The following RIT2 variants were observed in gnomAD, a reference collection of about 807,000 sequenced individuals.
The protein encoded by RIT2 is GTP-binding protein Rit2.
Under a neutral mutation model 23.7 loss-of-function variants are expected in RIT2, and 24 were observed. That is an observed-to-expected ratio of 1.01 (90% CI 0.73 to 1.43). The LOEUF is 1.43. Among genes scored for constraint, RIT2 ranks in the 40% most tolerant of loss-of-function variants. The probability of loss-of-function intolerance (pLI) is 0.00; values close to 1 mark genes in which losing one functional copy is unlikely to be tolerated. For missense variants in RIT2, 236 were observed against 266.9 expected (o/e 0.88, Z 0.81); for synonymous variants, 107 against 91.1 (o/e 1.17, Z -0.99).
intron 4 of RIT2, among the ~76,000 whole-genome samples, chr18:42,798,487 C>T (rs1905436032): frequency 6.6e-6 from 1 of 152,184 alleles, no homozygotes; most frequent in Non-Finnish European, 1.5e-5. Context: ...ATAATATTGG[C>T]TTTTCCCTCC....
intron 2 of RIT2, among the ~76,000 whole-genome samples, chr18:43,005,376 G>A (rs1911203741): frequency 1.3e-5 from 2 of 151,744 alleles, no homozygotes; most frequent in Admixed American, 1.3e-4. Flanking sequence ...TTTAAAATCT[G>A]TAATATACAC....
intron 2 of RIT2, among the ~76,000 whole-genome samples, chr18:42,982,058 A>G (rs1910610242): frequency 6.6e-6 from 1 of 152,150 alleles, no homozygotes; most frequent in South Asian, 2.1e-4. Flanking sequence ...GATCTCAAGA[A>G]ATTTTATATT....
At chr18:42,917,546 G>C (rs1908943775) in intron 4 of RIT2, among the ~76,000 whole-genome samples, 1 of 152,094 alleles carries the variant, frequency 6.6e-6, no homozygotes, top group Non-Finnish European at 1.5e-5. Context: ...TCTGATGACT[G>C]AAAGAGCCTC....
At chr18:43,011,928 T>A (rs904502640) in intron 2 of RIT2, among the ~76,000 whole-genome samples, 4 of 151,872 alleles carry the variant, frequency 2.6e-5, no homozygotes, top group Non-Finnish European at 4.4e-5. Context: ...TATTTGAGTA[T>A]CAAATTAAAA....
chr18:42,754,229 G>C (rs748997996), intron 4 of RIT2, among the ~76,000 whole-genome samples: 6 of 152,142 alleles, frequency 3.9e-5, no homozygotes, highest in Non-Finnish European at 8.8e-5. Context: ...AAGGGCAAGA[G>C]TCCTCCTTCC....
At chr18:42,877,573 C>A (rs2144073238) in intron 4 of RIT2, among the ~76,000 whole-genome samples, 1 of 147,252 alleles carries the variant, frequency 6.8e-6, no homozygotes, top group Non-Finnish European at 1.5e-5. Flanking sequence ...TATCTATATA[C>A]AAATAAAGAT....
chr18:42,836,238 T>C (rs1238355847), intron 4 of RIT2, among the ~76,000 whole-genome samples: 1 of 152,202 alleles, frequency 6.6e-6, no homozygotes, highest in African/African-American at 2.4e-5. Context: ...CCTTCCTTTC[T>C]TGTCTTGGAG....
chr18:42,828,004 A>G (rs1308870315), intron 4 of RIT2, among the ~76,000 whole-genome samples: 2 of 80,700 alleles, frequency 2.5e-5, no homozygotes, highest in African/African-American at 5.4e-5. Context: ...ACTCCGTCTC[A>G]AAAAAAAAAA....
intron 2 of RIT2, among the ~76,000 whole-genome samples, chr18:43,009,910 G>A (rs544048729): frequency 1.3e-5 from 2 of 151,746 alleles, no homozygotes; most frequent in African/African-American, 4.8e-5. Flanking sequence ...AGAGTGTCCA[G>A]TTTTATCCAC....
intron 1 of RIT2, among the ~76,000 whole-genome samples, chr18:43,102,903 C>T (rs1178416815): frequency 6.6e-6 from 1 of 152,116 alleles, no homozygotes; most frequent in African/African-American, 2.4e-5. Context: ...ATCTGCCCAC[C>T]TCGGCCTCCC....
intron 4 of RIT2, among the ~76,000 whole-genome samples, chr18:42,889,265 T>C (rs1018808949): frequency 2.0e-5 from 3 of 152,106 alleles, no homozygotes; most frequent in Non-Finnish European, 4.4e-5. Flanking sequence ...GAGATTCTAC[T>C]GATCCAAAAT....
At chr18:42,762,972 G>A (rs572905095) in intron 4 of RIT2, among the ~76,000 whole-genome samples, 2 of 152,252 alleles carry the variant, frequency 1.3e-5, no homozygotes, top group East Asian at 1.9e-4. Flanking sequence ...TTTCATCATT[G>A]TGCAAACATC....
intron 4 of RIT2, among the ~76,000 whole-genome samples, chr18:42,833,377 A>C (rs555125828): frequency 1.1e-4 from 17 of 152,150 alleles, no homozygotes; most frequent in Non-Finnish European, 1.3e-4. Context: ...TTCTTAATCC[A>C]TTCCTTTGTT....
At chr18:42,990,384 A>G (rs984143228) in intron 2 of RIT2, among the ~76,000 whole-genome samples, 6 of 152,180 alleles carry the variant, frequency 3.9e-5, no homozygotes, top group Non-Finnish European at 8.8e-5. Flanking sequence ...TCTCACAGAC[A>G]CATCCAGGAT....
chr18:42,852,611 T>C (rs1907083103), intron 4 of RIT2, among the ~76,000 whole-genome samples: 1 of 152,194 alleles, frequency 6.6e-6, no homozygotes, highest in Non-Finnish European at 1.5e-5. Flanking sequence ...TTTCCAGATG[T>C]TCTCCTTTGA....
chr18:43,019,285 C>G (rs1308856658), intron 2 of RIT2, among the ~76,000 whole-genome samples: 1 of 151,624 alleles, frequency 6.6e-6, no homozygotes, highest in African/African-American at 2.4e-5. Flanking sequence ...CAAAAATTCT[C>G]AAAAAAATAC....
intron 4 of RIT2, among the ~76,000 whole-genome samples, chr18:42,776,120 G>T (rs1913666529): frequency 6.6e-6 from 1 of 152,066 alleles, no homozygotes; most frequent in African/African-American, 2.4e-5. Context: ...AAACACAAAG[G>T]GAAGATACAG....
At chr18:42,984,445 T>A (rs1910664140) in intron 2 of RIT2, among the ~76,000 whole-genome samples, 1 of 152,076 alleles carries the variant, frequency 6.6e-6, no homozygotes, top group Non-Finnish European at 1.5e-5. Flanking sequence ...ACATAAGGGA[T>A]CCTTGTGGTC....
intron 4 of RIT2, among the ~76,000 whole-genome samples, chr18:42,831,057 A>G (rs1408965829): frequency 6.6e-6 from 1 of 152,214 alleles, no homozygotes; most frequent in Non-Finnish European, 1.5e-5. Flanking sequence ...CCTCCTGACC[A>G]TGATGTATAA....
Sources: allele counts gnomAD v4.1 joint callset (sites outside exome capture counted in the v4.1 genomes callset), GRCh38; gene constraint gnomAD v4.1.1; transcripts MANE v1.5; gene names NCBI Gene and HGNC (gene_info 2026-07-23, HGNC 2026-07-21).